POLDIP2: variants seen among roughly 807,000 people sequenced by gnomAD.
The protein encoded by POLDIP2 is polymerase delta-interacting protein 2.
In POLDIP2, 32 loss-of-function variants were observed where a neutral mutation model predicts 52.9. The observed-to-expected ratio is 0.61, with a 90% CI of 0.46 to 0.81. The LOEUF (loss-of-function observed/expected upper bound fraction) is 0.81. Ranked by LOEUF, POLDIP2 falls within the 40% of genes least tolerant of loss-of-function variation. The pLI is 0.00. For missense variants in POLDIP2, 371 were observed against 477.3 expected (o/e 0.78, Z 2.07); for synonymous variants, 183 against 183.0 (o/e 1.00, Z 0.00).
In POLDIP2 at chr17:28,353,324, A is replaced by C; in HGVS notation, c.439-8T>G. 6.5e-7 allele frequency: 1 copy of C among 1,529,410 alleles called. No individual in the cohort carries two copies. The highest frequency in any genetic ancestry group is 9.0e-7 in the Non-Finnish European group (1 of 1,107,496). The allele number at this position is 1,529,410 out of a possible 1,614,324, so 94.7% of individuals were successfully genotyped here. A position where few individuals can be genotyped will look rare whatever the true frequency, so the allele number is the denominator to read the frequency against. On this transcript the variant is annotated splice_polypyrimidine_tract_variant and splice_region_variant and intron_variant, in intron 4 of 10. Transcript: ENST00000540200. ...TGTCTGAGATCTCTGAGACTAAGGC[A>C]AGAAGTGAATCAGTGGTGAAACCAT...
chr17:28,355,506 C>T (rs1344853003), intron 2 of POLDIP2, among the ~76,000 whole-genome samples: 2 of 152,120 alleles, frequency 1.3e-5, no homozygotes, highest in Non-Finnish European at 1.5e-5. Context: ...ACTAGGGAGG[C>T]TGAGGTAGGA....
At chr17:28,349,433 G>A (rs913981893) in intron 9 of POLDIP2, among the ~76,000 whole-genome samples, 1 of 148,312 alleles carries the variant, frequency 6.7e-6, no homozygotes, top group Admixed American at 6.7e-5. Flanking sequence ...CTGCAGCCCG[G>A]GGAACACAGT....
At position 28,353,585 on chromosome 17, in the gene POLDIP2, A is replaced by ACC. The variant is rs1324939384; in HGVS notation, c.438+108_438+109dup. 15 of 720,962 alleles carry ACC rather than the reference A, an allele frequency of 2.1e-5. No individual in the cohort carries two copies. The East Asian group carries it at 3.7e-4, about 18-fold the overall frequency. 44.7% of individuals were successfully genotyped at this position (720,962 alleles called of 1,614,324 possible). ...CACTGTGCAGTCCAAGGCCTTGGGG[A>ACC]CCAAGACTGACCTGGGCTCTGTTTG... On this transcript the variant is annotated intron_variant, in intron 4 of 10. Coordinates refer to ENST00000540200, the MANE Select transcript of POLDIP2 (RefSeq NM_015584.5).
chr17:28,347,922 A>C lies in POLDIP2; in HGVS notation c.*195T>G, dbSNP rs1907644873. The C allele has an allele frequency of 3.5e-6, 2 of 578,870 alleles. No individual in the cohort carries two copies. The highest frequency in any genetic ancestry group is 2.1e-5 in the South Asian group (1 of 47,692). 35.9% of individuals were successfully genotyped at this position (578,870 alleles called of 1,614,324 possible). On this transcript the variant is annotated 3_prime_UTR_variant, in exon 11 of 11. Transcript: ENST00000540200. ...CATGGTGTAGGCAGGGCTTATGAGG[A>C]GGCCAGCCTTGGAGGTGTCCCACAT... is the stretch of plus-strand genomic sequence containing the variant.
chr17:28,356,426 C>T (rs574944944), intron 1 of POLDIP2, among the ~76,000 whole-genome samples: 35 of 152,184 alleles, frequency 2.3e-4, no homozygotes, highest in African/African-American at 8.4e-4. Flanking sequence ...AAGAGGTGCT[C>T]AAAAAATATT....
chr17:28,352,961 GGGAACCTGATCAGT>G lies in POLDIP2; in HGVS notation c.559_572del (p.Thr187HisfsTer4). On this transcript the variant is annotated frameshift_variant, in exon 6 of 11. Coordinates refer to ENST00000540200, the MANE Select transcript of POLDIP2 (RefSeq NM_015584.5). LOFTEE classifies it high-confidence loss of function. ...ATCTTTCAAAGAGTTCATGTTGGAT[GGGAACCTGATCAGT>G]GGAGGTGTAGGGGAGGATGTCTTCA... 1 of 1,552,754 alleles carries G rather than the reference GGGAACCTGATCAGT, an allele frequency of 6.4e-7. No homozygotes were observed. The highest frequency in any genetic ancestry group is 8.9e-7 in the Non-Finnish European group (1 of 1,123,850).
In POLDIP2 at chr17:28,353,719, A is replaced by C. The variant is rs1907912340; in HGVS notation, c.414T>G (p.Ile138Met). The change falls in exon 4 of 11, where the codon ATT becomes ATG. Residue 138 changes from isoleucine (I) to methionine (M), a missense_variant. Physicochemically the swap from Ile to Met is conservative, Grantham distance 10. Transcript: ENST00000540200. ...GKTHTYYQVL[I>M]DARDCPHISQ... is the part of the protein sequence containing the mutation. The stretch of plus-strand genomic sequence containing the variant: ...CTATATGTGGGCAGTCACGAGCATC[A>C]ATCAGCACCTGATAGTAAGTGTGAG... 2 of 1,612,718 alleles carry C rather than the reference A, an allele frequency of 1.2e-6. No homozygotes were observed. Among genetic ancestry groups the C allele is most frequent in the East Asian group, 4.5e-5 (2 of 44,818 alleles).
Position 28,352,975 on chromosome 17 carries a change from TG to T in POLDIP2, c.558del (p.Thr187LeufsTer31). 6.8e-7 allele frequency: 1 copy of T among 1,476,346 alleles called. No individual in the cohort carries two copies. Among genetic ancestry groups the T allele is most frequent in the Non-Finnish European group, 9.5e-7 (1 of 1,054,318 alleles). The allele number at this position is 1,476,346 out of a possible 1,614,324, so 91.5% of individuals were successfully genotyped here. A position where few individuals can be genotyped will look rare whatever the true frequency, so the allele number is the denominator to read the frequency against. ...TCATGTTGGATGGGAACCTGATCAGTGGAGGTGTAGGGGAGGATGTCTTCAT... is the reference window on the plus strand; with the variant it reads ...TCATGTTGGATGGGAACCTGATCAGTGAGGTGTAGGGGAGGATGTCTTCAT... ...VSHEDILPYT[S>X]TDQVPIQHEL... On this transcript the variant is annotated frameshift_variant, in exon 6 of 11. Transcript: ENST00000540200. LOFTEE classifies it high-confidence loss of function.
In POLDIP2 at chr17:28,350,524, C is replaced by T. The variant is rs1555579746; in HGVS notation, c.826G>A (p.Val276Met). The change falls in exon 9 of 11, where the codon GTG becomes ATG. Residue 276 changes from valine (V) to methionine (M), a missense_variant. Val to Met is a conservative substitution (Grantham distance 21). Coordinates refer to ENST00000540200, the MANE Select transcript of POLDIP2 (RefSeq NM_015584.5). ...CIRLENLDSD[V>M]VQLRERHWRI... Reference sequence around the variant, plus strand: ...CAGTGCCGCTCCCGGAGCTGTACCACATCACTGTCAAGGTTCTCCAAACGG... The same window carrying T: ...CAGTGCCGCTCCCGGAGCTGTACCATATCACTGTCAAGGTTCTCCAAACGG... The T allele has an allele frequency of 6.2e-7, 1 of 1,613,822 alleles. No homozygotes were observed. The highest frequency in any genetic ancestry group is 2.2e-5 in the East Asian group (1 of 44,888).
At chr17:28,349,459 CAAAAAAAAAAAAA>C (rs11357551) in intron 9 of POLDIP2, among the ~76,000 whole-genome samples, 2 of 73,374 alleles carry the variant, frequency 2.7e-5, no homozygotes, top group Admixed American at 1.6e-4. Context: ...CCCATCTCCA[CAAAAAAAAAAAAA>C]AAAAAAAAAA....
At position 28,357,474 on chromosome 17, in the gene POLDIP2, G is replaced by A. The variant is rs1436030492; in HGVS notation, c.-26C>T. 1 of 1,429,406 alleles carries A rather than the reference G, an allele frequency of 7.0e-7. No homozygotes were observed. Among genetic ancestry groups the A allele is most frequent in the Non-Finnish European group, 9.1e-7 (1 of 1,104,804 alleles). The allele number at this position is 1,429,406 out of a possible 1,614,324, so 88.5% of individuals were successfully genotyped here. ...GTCCCGCCCGAGCGCCCGCCCGGCT[G>A]CTGACACAGAGCCCGACCCGCGGCC... On this transcript the variant is annotated 5_prime_UTR_variant, in exon 1 of 11. Coordinates refer to ENST00000540200, the MANE Select transcript of POLDIP2 (RefSeq NM_015584.5).
At chr17:28,350,123 T>C (rs1423457336) in intron 9 of POLDIP2, among the ~76,000 whole-genome samples, 4 of 152,218 alleles carry the variant, frequency 2.6e-5, no homozygotes, top group African/African-American at 2.4e-5. Context: ...TTTTAGTTTT[T>C]AAAAGACACT....
chr17:28,352,773 A>C (rs753476076), intron 6 of POLDIP2, 139 bp downstream of exon 6: 36 of 599,804 alleles, frequency 6.0e-5, no homozygotes, highest in Admixed American at 2.4e-4. Flanking sequence ...TCCTGACCTC[A>C]GATGATCCAC....
intron 4 of POLDIP2, 135 bp downstream of exon 4, chr17:28,353,560 C>T: frequency 2.0e-6 from 1 of 488,530 alleles, no homozygotes; most frequent in Non-Finnish European, 3.6e-6. Context: ...CTTTGTTGGC[C>T]ACTGTGCAGT....
intron 6 of POLDIP2, among the ~76,000 whole-genome samples, chr17:28,352,156 G>A (rs1907818145): frequency 6.6e-6 from 1 of 150,584 alleles, no homozygotes; most frequent in South Asian, 2.1e-4. Context: ...TCTGTCATCT[G>A]TCAGGTATGA....
chr17:28,353,742 G>A lies in POLDIP2; in HGVS notation c.391C>T (p.His131Tyr). The A allele has an allele frequency of 6.2e-7, 1 of 1,613,482 alleles. No individual in the cohort carries two copies. The highest frequency in any genetic ancestry group is 2.2e-5 in the East Asian group (1 of 44,844). ...TCAATCAGCACCTGATAGTAAGTGTGAGTTTTGCCTTTCACCTCCTTGGAG... is the reference window on the plus strand; with the variant it reads ...TCAATCAGCACCTGATAGTAAGTGTAAGTTTTGCCTTTCACCTCCTTGGAG... ...HGSKEVKGKT[H>Y]TYYQVLIDAR... Residue 131 changes from histidine (H) to tyrosine (Y), a missense_variant, in exon 4 of 11, where the codon CAC becomes TAC. Transcript: ENST00000540200.
chr17:28,352,690 C>G lies in POLDIP2; in HGVS notation c.622+222G>C, dbSNP rs554741318. Among the ~76,000 whole-genome samples, 37 of 152,240 alleles carry G rather than the reference C, an allele frequency of 2.4e-4. No homozygotes were observed. In the South Asian group the frequency reaches 7.3e-3, roughly 30 times the overall value. On this transcript the variant is annotated intron_variant, in intron 6 of 10. Transcript: ENST00000540200. ...GGTAGCTGGGATTACAGGCGCCCAC[C>G]ACCACGCCCAGCTAATTTTTGTATT... is the stretch of plus-strand genomic sequence containing the variant.
intron 1 of POLDIP2, among the ~76,000 whole-genome samples, chr17:28,357,068 C>A (rs367626225): frequency 1.2e-4 from 19 of 152,374 alleles, no homozygotes; most frequent in Non-Finnish European, 1.6e-4. Flanking sequence ...TGTTCCCCCC[C>A]AGGGCCAGCC....
intron 1 of POLDIP2, among the ~76,000 whole-genome samples, chr17:28,356,469 C>T (rs1555580946): frequency 6.6e-6 from 1 of 152,116 alleles, no homozygotes. Context: ...TCCATCTCCC[C>T]CTCTAACCTG....
Sources: allele counts gnomAD v4.1 joint callset (sites outside exome capture counted in the v4.1 genomes callset), GRCh38; gene constraint gnomAD v4.1.1; transcripts MANE v1.5; gene names NCBI Gene and HGNC (gene_info 2026-07-23, HGNC 2026-07-21).